FOCAD: variants seen among roughly 807,000 people sequenced by gnomAD.
FOCAD encodes KIAA1797.
In FOCAD, 198 loss-of-function variants were observed where a neutral mutation model predicts 225.6. The ratio of observed to expected loss-of-function variants is 0.88; its 90% CI spans 0.78 to 0.99. FOCAD has a LOEUF of 0.99. FOCAD is among the 50% of genes least tolerant of loss of function. The pLI is 0.00. For missense variants in FOCAD, 2,713 were observed against 2,123.6 expected (o/e 1.28, Z -5.46); for synonymous variants, 897 against 755.0 (o/e 1.19, Z -3.08).
chr9:20,992,384 A>G (rs749973281), intron 42 of FOCAD, among the ~76,000 whole-genome samples: 1 of 152,180 alleles, frequency 6.6e-6, no homozygotes, highest in Non-Finnish European at 1.5e-5. Flanking sequence ...AACATATTTT[A>G]TTTCAGAAAT....
chr9:20,962,250 CTTTG>C (rs1486006249), intron 35 of FOCAD, among the ~76,000 whole-genome samples: 4 of 152,040 alleles, frequency 2.6e-5, no homozygotes, highest in African/African-American at 9.7e-5. Context: ...ATTTATACTT[CTTTG>C]TTTAAACTCT....
intron 14 of FOCAD, among the ~76,000 whole-genome samples, chr9:20,822,086 A>C (rs935368639): frequency 2.6e-5 from 4 of 151,874 alleles, no homozygotes; most frequent in African/African-American, 7.3e-5. Context: ...TTGGCATGGA[A>C]AAAAATTCAG....
intron 5 of FOCAD, among the ~76,000 whole-genome samples, chr9:20,752,471 A>G (rs1013222831): frequency 2.6e-5 from 4 of 152,098 alleles, no homozygotes; most frequent in African/African-American, 9.7e-5. Flanking sequence ...ATAGTTGTAG[A>G]TATGCGGCGT....
chr9:20,751,555 CATT>C (rs1828548496), intron 5 of FOCAD, among the ~76,000 whole-genome samples: 1 of 106,174 alleles, frequency 9.4e-6, no homozygotes, highest in African/African-American at 3.1e-5. Flanking sequence ...TCCAGTCTAT[CATT>C]GTTGGACATT....
chr9:20,720,302 T>G (rs1254106141), intron 3 of FOCAD, 78 bp from the exon 4 acceptor site: 1 of 1,410,254 alleles, frequency 7.1e-7, no homozygotes, highest in Admixed American at 1.9e-5. Flanking sequence ...AAATTACTCA[T>G]TGATGAATGA....
chr9:20,782,535 C>T (rs558501258), intron 10 of FOCAD, among the ~76,000 whole-genome samples: 2 of 152,160 alleles, frequency 1.3e-5, no homozygotes, highest in East Asian at 1.9e-4. Flanking sequence ...GTTACAATAA[C>T]GTGAAAGTGT....
At position 20,720,400 on chromosome 9, in the gene FOCAD, G is replaced by A. The variant is rs767415138; in HGVS notation, c.153G>A (p.Leu51=). 1 of 1,614,042 alleles carries A rather than the reference G, an allele frequency of 6.2e-7. No individual in the cohort carries two copies. The highest frequency in any genetic ancestry group is 8.5e-7 in the Non-Finnish European group (1 of 1,179,958). ...STNQTPALNL[L]WEKCCSDNVV... ...TTCAGACTCCTGCTTTGAACTTGCT[G>A]TGGGAGAAGTGTTGCAGTGACAATG... The change falls in exon 4 of 44, where the codon CTG becomes CTA. Residue 51 remains leucine, a synonymous_variant. Transcript: ENST00000338382.
chr9:20,866,385 C>T (rs779791448), intron 17 of FOCAD, among the ~76,000 whole-genome samples: 2 of 151,922 alleles, frequency 1.3e-5, no homozygotes, highest in Non-Finnish European at 2.9e-5. Context: ...ATACCTAACT[C>T]ATGGATGAAT....
chr9:20,796,789 T>G (rs936695202), intron 11 of FOCAD, among the ~76,000 whole-genome samples: 3 of 152,070 alleles, frequency 2.0e-5, no homozygotes, highest in Non-Finnish European at 2.9e-5. Context: ...GATGGTAGTT[T>G]CTTTTGCTGT....
intron 2 of FOCAD, among the ~76,000 whole-genome samples, chr9:20,673,369 C>T (rs1822133434): frequency 6.6e-6 from 1 of 152,100 alleles, no homozygotes; most frequent in Admixed American, 6.5e-5. Context: ...AACAGTGCAC[C>T]ATTTTTACAT....
chr9:20,874,833 G>A, intron 19 of FOCAD, 26 bp downstream of exon 19: 1 of 1,613,066 alleles, frequency 6.2e-7, no homozygotes, highest in Non-Finnish European at 8.5e-7. Context: ...TAGTAGAGAA[G>A]CTAGCATTTT....
intron 21 of FOCAD, among the ~76,000 whole-genome samples, chr9:20,900,369 CT>C (rs1832452107): frequency 6.6e-6 from 1 of 151,832 alleles, no homozygotes; most frequent in South Asian, 2.1e-4. Context: ...ATTGGCAGCT[CT>C]GTTCTAAATA....
intron 11 of FOCAD, among the ~76,000 whole-genome samples, chr9:20,812,954 G>A (rs781767477): frequency 5.9e-5 from 9 of 151,882 alleles, no homozygotes; most frequent in Non-Finnish European, 1.0e-4. Flanking sequence ...ATTTTTGTAC[G>A]GTGGATCTCT....
chr9:20,781,972 T>A, intron 10 of FOCAD, 43 bp downstream of exon 10: 1 of 1,569,196 alleles, frequency 6.4e-7, no homozygotes, highest in Non-Finnish European at 8.8e-7. Context: ...AGTGTCGATG[T>A]GGGATTTCGG....
intron 5 of FOCAD, among the ~76,000 whole-genome samples, chr9:20,747,822 G>GTT (rs34772075): frequency 5.8e-5 from 8 of 136,766 alleles, no homozygotes; most frequent in South Asian, 2.2e-4. Context: ...CATTTTTAGT[G>GTT]TTTTTTTTTT....
intron 28 of FOCAD, among the ~76,000 whole-genome samples, chr9:20,940,491 C>T (rs1836537499): frequency 6.6e-6 from 1 of 152,006 alleles, no homozygotes; most frequent in African/African-American, 2.4e-5. Context: ...TACTGTGTTG[C>T]CTAGGCCGGT....
intron 29 of FOCAD, among the ~76,000 whole-genome samples, chr9:20,945,663 G>C (rs1004087452): frequency 2.0e-4 from 30 of 152,178 alleles, no homozygotes; most frequent in Non-Finnish European, 2.4e-4. Context: ...TAAGCCAAAA[G>C]AGTAAATCTT....
At chr9:20,982,717 A>C (rs527716430) in intron 39 of FOCAD, among the ~76,000 whole-genome samples, 2 of 152,280 alleles carry the variant, frequency 1.3e-5, no homozygotes, top group African/African-American at 4.8e-5. Flanking sequence ...TATCCTTAGG[A>C]ATGAAGAAGG....
At chr9:20,692,471 A>G (rs138878865) in intron 1 of FOCAD, among the ~76,000 whole-genome samples, 200 of 152,280 alleles carry the variant, frequency 1.3e-3, no homozygotes, top group African/African-American at 4.0e-3. Flanking sequence ...TTAGTTATCA[A>G]TTGTTACCTA....
Sources: allele counts gnomAD v4.1 joint callset (sites outside exome capture counted in the v4.1 genomes callset), GRCh38; gene constraint gnomAD v4.1.1; transcripts MANE v1.5; gene names NCBI Gene and HGNC (gene_info 2026-07-23, HGNC 2026-07-21).